Variants in CTIF observed in about 807,000 individuals in gnomAD.
CTIF encodes the protein cap binding complex dependent translation initiation factor.
CTIF carries 21 observed loss-of-function variants against 66.0 expected under a neutral mutation model. The observed-to-expected ratio is 0.32, with a 90% CI of 0.23 to 0.46. The LOEUF is 0.46. Among genes scored for constraint, CTIF ranks in the 20% least tolerant of loss-of-function variants. CTIF has a pLI of 1.00. For missense variants in CTIF, 739 were observed against 812.7 expected, an observed-to-expected ratio of 0.91 and a Z score of 1.10; for synonymous variants, 345 against 326.4, an observed-to-expected ratio of 1.06 and a Z score of -0.62.
chr18:48,585,929 A>C (rs1485696700), intron 1 of CTIF, among the ~76,000 whole-genome samples: 2 of 152,174 alleles, frequency 1.3e-5, no homozygotes, highest in African/African-American at 4.8e-5. Context: ...AAATCTTTAT[A>C]GTTGAGTTTT....
At chr18:48,602,928 G>A (rs2090120935) in intron 1 of CTIF, among the ~76,000 whole-genome samples, 1 of 151,406 alleles carries the variant, frequency 6.6e-6, no homozygotes, top group African/African-American at 2.4e-5. Flanking sequence ...TAGACAGGTG[G>A]GTGGGTGAAT....
intron 8 of CTIF, chr18:48,760,351 G>A (rs1286245461): frequency 6.6e-6 from 1 of 152,046 alleles, no homozygotes; most frequent in Non-Finnish European, 1.5e-5. Context: ...GCTGCCCTTG[G>A]AACTTGATCC....
intron 10 of CTIF, among the ~76,000 whole-genome samples, chr18:48,845,944 C>G (rs1194445604): frequency 1.3e-5 from 2 of 152,214 alleles, no homozygotes; most frequent in Admixed American, 6.5e-5. Flanking sequence ...CAATTTTGCA[C>G]AGCAACCTTC....
intron 6 of CTIF, among the ~76,000 whole-genome samples, chr18:48,693,736 A>G (rs1015114159): frequency 1.3e-5 from 2 of 152,202 alleles, no homozygotes; most frequent in Non-Finnish European, 2.9e-5. Flanking sequence ...GCCATGATCC[A>G]CGCGCCAAGT....
intron 3 of CTIF, among the ~76,000 whole-genome samples, chr18:48,638,628 G>C (rs958063835): frequency 6.6e-6 from 1 of 152,232 alleles, no homozygotes; most frequent in East Asian, 1.9e-4. Context: ...AGTGGGGTTA[G>C]GTATGGGCTT....
intron 1 of CTIF, among the ~76,000 whole-genome samples, chr18:48,560,887 A>G (rs1332425764): frequency 6.6e-6 from 1 of 152,154 alleles, no homozygotes; most frequent in Non-Finnish European, 1.5e-5. Flanking sequence ...TCCTTATTAC[A>G]GACCTTCCCT....
intron 11 of CTIF, among the ~76,000 whole-genome samples, chr18:48,858,132 G>GC (rs974634420): frequency 3.3e-5 from 5 of 152,248 alleles, no homozygotes; most frequent in African/African-American, 4.8e-5. Context: ...CCTGGCTTTG[G>GC]CCCAGTCCCT....
intron 10 of CTIF, among the ~76,000 whole-genome samples, chr18:48,841,824 C>A (rs2068950649): frequency 6.6e-6 from 1 of 151,836 alleles, no homozygotes; most frequent in Non-Finnish European, 1.5e-5. Context: ...GGTGGGAGGG[C>A]AGGGTGGCTC....
chr18:48,758,481 A>G, intron 8 of CTIF, 76 bp downstream of exon 8: 2 of 1,514,310 alleles, frequency 1.3e-6, no homozygotes, highest in Non-Finnish European at 1.8e-6. Context: ...GTAGGTGGGC[A>G]CAGTGCAGAG....
rs188416604 is a variant in CTIF, at chr18:48,633,625, C to T, written c.181-2989C>T. Among the ~76,000 whole-genome samples the T allele has an allele frequency of 2.8e-4, 42 of 152,076 alleles. 2 individuals carry two copies. In the East Asian group the frequency reaches 7.7e-3, roughly 28 times the overall value. On this transcript the variant is annotated intron_variant, in intron 2 of 11. Coordinates refer to ENST00000256413, the MANE Select transcript of CTIF (RefSeq NM_014772.3). ...GCTGAGGCAAGAGAATCGCTTGAAC[C>T]TGGGAGGTGGAGGTTGCAGGGAACC...
intron 9 of CTIF, among the ~76,000 whole-genome samples, chr18:48,811,906 A>G (rs2146292727): frequency 6.6e-6 from 1 of 152,324 alleles, no homozygotes; most frequent in African/African-American, 2.4e-5. Context: ...ATATATACCC[A>G]GAAGTGGAAT....
chr18:48,652,810 A>G (rs1568106417), intron 3 of CTIF, among the ~76,000 whole-genome samples: 2 of 152,242 alleles, frequency 1.3e-5, no homozygotes. Context: ...CCTGGGATGC[A>G]AGGCTGGTTC....
At chr18:48,800,527 C>G (rs1035714716) in intron 9 of CTIF, among the ~76,000 whole-genome samples, 5 of 152,220 alleles carry the variant, frequency 3.3e-5, no homozygotes, top group African/African-American at 1.2e-4. Context: ...CTTGCTGACT[C>G]CAACACCCAC....
At chr18:48,797,873 G>T (rs146105134) in intron 9 of CTIF, among the ~76,000 whole-genome samples, 41 of 146,338 alleles carry the variant, frequency 2.8e-4, no homozygotes, top group African/African-American at 1.0e-3. Flanking sequence ...CCCAAGCTCT[G>T]CTGGTACTCT....
intron 6 of CTIF, among the ~76,000 whole-genome samples, chr18:48,710,133 G>T (rs2092207653): frequency 1.3e-5 from 2 of 152,242 alleles, no homozygotes; most frequent in African/African-American, 4.8e-5. Flanking sequence ...AAAACAGTGG[G>T]ACCCTCCTTT....
At chr18:48,678,731 G>A (rs1366331243) in intron 6 of CTIF, among the ~76,000 whole-genome samples, 3 of 152,000 alleles carry the variant, frequency 2.0e-5, no homozygotes, top group African/African-American at 4.8e-5. Context: ...CTCACTCCAT[G>A]CGGAGCAGAA....
chr18:48,769,788 CTT>C (rs1187063588), intron 9 of CTIF, among the ~76,000 whole-genome samples: 1 of 152,268 alleles, frequency 6.6e-6, no homozygotes, highest in African/African-American at 2.4e-5. Flanking sequence ...TTTCTCCAAT[CTT>C]TATTTCTTCT....
intron 9 of CTIF, among the ~76,000 whole-genome samples, chr18:48,773,947 C>T (rs1004992211): frequency 1.1e-4 from 17 of 152,190 alleles, no homozygotes; most frequent in Admixed American, 1.1e-3. Context: ...CAACCCTCCG[C>T]TCTAAGAGTA....
In CTIF at chr18:48,758,117, C is replaced by T. The variant is rs754846409; in HGVS notation, c.783C>T (p.Asp261=). 6.8e-6 allele frequency: 11 copies of T among 1,614,044 alleles called. No individual in the cohort carries two copies. The highest frequency in any genetic ancestry group is 4.5e-5 in the East Asian group (2 of 44,854). Residue 261 remains aspartate (D), a synonymous_variant, in exon 8 of 12, where the codon GAC becomes GAT. Coordinates refer to ENST00000256413, the MANE Select transcript of CTIF (RefSeq NM_014772.3). ...HHGNMKHPPG[D]KGEAGAHRNA... ...GCAACATGAAGCACCCACCAGGCGA[C>T]AAGGGGGAGGCAGGCGCACACCGCA... is the stretch of plus-strand genomic sequence containing the variant.
Sources: gnomAD v4.1 joint callset for allele counts (sites outside exome capture counted in the v4.1 genomes callset) on GRCh38, gnomAD v4.1.1 for gene constraint, MANE v1.5 for transcripts, NCBI Gene and HGNC (gene_info 2026-07-23, HGNC 2026-07-21) for gene names.